GIN1: variants seen among roughly 807,000 people sequenced by gnomAD.
GIN1 encodes gypsy retrotransposon integrase 1.
GIN1 carries 41 observed loss-of-function variants against 51.4 expected under a neutral mutation model. The ratio of observed to expected loss-of-function variants is 0.80; its 90% confidence interval spans 0.62 to 1.04. GIN1 has a LOEUF of 1.04. Ranked by LOEUF, GIN1 falls within the 50% of genes least tolerant of loss-of-function variation. The pLI is 0.00. For synonymous variants in GIN1, 222 were observed against 206.5 expected, an observed-to-expected ratio of 1.07 and a Z score of -0.64; for missense variants, 610 against 612.4, an observed-to-expected ratio of 1.00 and a Z score of 0.04.
chr5:103,097,823 G>T, intron 4 of GIN1, 42 bp from the exon 5 acceptor site: 1 of 815,940 alleles, frequency 1.2e-6, no homozygotes, highest in Non-Finnish European at 1.9e-6. Context: ...TAAAATTTGT[G>T]TTTTATTTTT....
intron 4 of GIN1, among the ~76,000 whole-genome samples, chr5:103,098,372 G>A (rs1787468322): frequency 6.6e-6 from 1 of 152,078 alleles, no homozygotes; most frequent in South Asian, 2.1e-4. Context: ...CATTTTAAAG[G>A]TAAGATACTG....
At chr5:103,094,431 G>T (rs1787336208) in intron 7 of GIN1, among the ~76,000 whole-genome samples, 1 of 152,038 alleles carries the variant, frequency 6.6e-6, no homozygotes, top group South Asian at 2.1e-4. Context: ...AATATTATTT[G>T]TCCTTATATT....
chr5:103,105,148 T>C (rs1787689458), intron 3 of GIN1, among the ~76,000 whole-genome samples: 3 of 151,874 alleles, frequency 2.0e-5, no homozygotes, highest in Admixed American at 6.6e-5. Flanking sequence ...AGTACTCTAT[T>C]GATAGGGAGG....
At chr5:103,116,918 T>C (rs947961317) in intron 1 of GIN1, among the ~76,000 whole-genome samples, 1 of 152,050 alleles carries the variant, frequency 6.6e-6, no homozygotes, top group Non-Finnish European at 1.5e-5. Context: ...CTAACAATGC[T>C]AGGTACTACC....
At chr5:103,119,169 G>T in intron 1 of GIN1, among the ~76,000 whole-genome samples, 1 of 152,094 alleles carries the variant, frequency 6.6e-6, no homozygotes, top group East Asian at 1.9e-4. Flanking sequence ...TCAAGATTAG[G>T]ACTTAACTGT....
At chr5:103,104,363 C>G (rs1562331812) in intron 4 of GIN1, among the ~76,000 whole-genome samples, 178 bp downstream of exon 4, 1 of 152,102 alleles carries the variant, frequency 6.6e-6, no homozygotes, top group Non-Finnish European at 1.5e-5. Context: ...GTATTAAAAT[C>G]CTAATCTCCT....
chr5:103,105,010 T>C (rs1189029515), intron 3 of GIN1, among the ~76,000 whole-genome samples, 164 bp from the exon 4 acceptor site: 1 of 151,984 alleles, frequency 6.6e-6, no homozygotes, highest in Non-Finnish European at 1.5e-5. Context: ...CTATTTAGAA[T>C]AACAAACAAA....
intron 1 of GIN1, among the ~76,000 whole-genome samples, chr5:103,112,228 C>A (rs1787908767): frequency 6.6e-6 from 1 of 152,030 alleles, no homozygotes; most frequent in South Asian, 2.1e-4. Flanking sequence ...ACATAAAAAC[C>A]ATCTATTTCC....
At chr5:103,101,552 T>C (rs1378168994) in intron 4 of GIN1, among the ~76,000 whole-genome samples, 1 of 152,220 alleles carries the variant, frequency 6.6e-6, no homozygotes, top group Non-Finnish European at 1.5e-5. Context: ...GCCGGCGCTA[T>C]CACTTTCTTG....
intron 1 of GIN1, among the ~76,000 whole-genome samples, chr5:103,111,022 T>C (rs573318980): frequency 4.0e-5 from 6 of 151,634 alleles, no homozygotes; most frequent in African/African-American, 1.5e-4. Context: ...CTCACTACAC[T>C]CTCTCCTCTG....
chr5:103,101,205 A>G (rs1787564917), intron 4 of GIN1, among the ~76,000 whole-genome samples: 1 of 152,190 alleles, frequency 6.6e-6, no homozygotes, highest in Non-Finnish European at 1.5e-5. Context: ...TAACCACTAC[A>G]TTTGATCTGA....
intron 1 of GIN1, among the ~76,000 whole-genome samples, chr5:103,118,335 T>C (rs1434191331): frequency 2.0e-5 from 3 of 148,528 alleles, no homozygotes; most frequent in Admixed American, 1.3e-4. Flanking sequence ...AAAAGTCCTT[T>C]GTATATGGTA....
chr5:103,104,717 T>C lies in GIN1; in HGVS notation c.463A>G (p.Asn155Asp). The change falls in exon 4 of 8, where the codon AAC (asparagine) becomes GAC (aspartate). Residue 155 changes from asparagine to aspartate, a missense_variant. Physicochemically the swap from Asn to Asp is conservative, Grantham distance 23. Coordinates refer to ENST00000399004, the MANE Select transcript of GIN1 (RefSeq NM_017676.2). ...ATTATAGCATATACATGACTTCTGT[T>C]GCTTGTATGAAAAGGCCCCATCAGA... ...VDLMGPFHTSNRSHVYAIIMT... is the reference protein window; with the variant it reads ...VDLMGPFHTSDRSHVYAIIMT... The C allele has an allele frequency of 6.2e-7, 1 of 1,612,924 alleles. No individual in the cohort carries two copies. The highest frequency in any genetic ancestry group is 8.5e-7 in the Non-Finnish European group (1 of 1,178,942).
intron 7 of GIN1, among the ~76,000 whole-genome samples, chr5:103,095,451 T>C (rs932862616): frequency 1.3e-5 from 2 of 152,206 alleles, no homozygotes; most frequent in Admixed American, 6.5e-5. Context: ...TTCCCCACTC[T>C]GCACCCACAC....
chr5:103,119,250 T>C (rs1384934897), intron 1 of GIN1, among the ~76,000 whole-genome samples: 2 of 152,218 alleles, frequency 1.3e-5, no homozygotes, highest in African/African-American at 4.8e-5. Context: ...TGGTTCCATC[T>C]TAAAATCTGC....
At position 103,086,405 on chromosome 5, in the gene GIN1, T is replaced by C. The variant is rs971670892; in HGVS notation, c.*1493A>G. ...GGGCACATATCAATCCTTAATAGTA[T>C]TCAAAGCTCTCCATAAGGTTTCCTA... On this transcript the variant is annotated 3_prime_UTR_variant, in exon 8 of 8. Transcript: ENST00000399004. 6.6e-6 allele frequency: 1 copy of C among 152,206 alleles called. No homozygotes were observed. The highest frequency in any genetic ancestry group is 2.4e-5 in the African/African-American group (1 of 41,448). 9.4% of individuals were successfully genotyped at this position (152,206 alleles called of 1,614,324 possible).
At chr5:103,104,123 T>C (rs1787653908) in intron 4 of GIN1, among the ~76,000 whole-genome samples, 1 of 152,020 alleles carries the variant, frequency 6.6e-6, no homozygotes, top group Non-Finnish European at 1.5e-5. Context: ...CCAGTTAAAT[T>C]TTGTATTTTT....
intron 7 of GIN1, among the ~76,000 whole-genome samples, chr5:103,093,289 G>C (rs1046460583): frequency 6.6e-6 from 1 of 152,136 alleles, no homozygotes; most frequent in Non-Finnish European, 1.5e-5. Context: ...CAAGGTCAAG[G>C]GTCCTCAAAT....
rs1554194120 is a variant in GIN1, at chr5:103,088,012, T to C, written c.1455A>G (p.Leu485=). The C allele has an allele frequency of 1.9e-6, 3 of 1,604,722 alleles. No homozygotes were observed. Among genetic ancestry groups the C allele is most frequent in the Non-Finnish European group, 2.6e-6 (3 of 1,171,854 alleles). ...AGATTTTCGTATTTCTATATTCTAA[T>C]AGTTCACGATCCTTGCTTGATGTCA... The part of the protein sequence containing the change: ...ELLTSSKDRE[L]LEYRNTKISP... Residue 485 remains leucine (L), a synonymous_variant, in exon 8 of 8, where the codon CTA becomes CTG. Transcript: ENST00000399004.
Sources: gnomAD v4.1 joint callset for allele counts (sites outside exome capture counted in the v4.1 genomes callset) on GRCh38, gnomAD v4.1.1 for gene constraint, MANE v1.5 for transcripts, NCBI Gene and HGNC (gene_info 2026-07-23, HGNC 2026-07-21) for gene names.